GALNT13: variants seen among roughly 807,000 people sequenced by gnomAD.
The protein encoded by GALNT13 is polypeptide N-acetylgalactosaminyltransferase 13.
Under a neutral mutation model 64.2 loss-of-function variants are expected in GALNT13, and 28 were observed. The observed-to-expected ratio is 0.44, with a 90% CI of 0.32 to 0.60. The LOEUF is 0.60. Among genes scored for constraint, GALNT13 ranks in the 20% least tolerant of loss-of-function variants. The probability of loss-of-function intolerance (pLI) is 0.05; values close to 1 mark genes in which losing one functional copy is unlikely to be tolerated. For synonymous variants in GALNT13, 214 were observed against 224.6 expected (o/e 0.95, Z 0.42); for missense variants, 577 against 669.8 (o/e 0.86, Z 1.53).
At chr2:154,254,618 A>G (rs1690268935) in intron 7 of GALNT13, among the ~76,000 whole-genome samples, 1 of 144,086 alleles carries the variant, frequency 6.9e-6, no homozygotes, top group South Asian at 2.1e-4. Context: ...TAATTGAATT[A>G]GGCATAAAAA....
At position 154,453,166 on chromosome 2, in the gene GALNT13, CCCAGT is replaced by C. The variant is rs1260770432; in HGVS notation, c.*2618_*2622del. ...TGCTTATTATTTAGTTCCCTAATTT[CCCAGT>C]CCTTGTCTTGAACAATCTTTTCTCA... On this transcript the variant is annotated 3_prime_UTR_variant, in exon 13 of 13. Coordinates refer to ENST00000392825, the MANE Select transcript of GALNT13 (RefSeq NM_052917.4). 7 of 152,238 alleles carry C rather than the reference CCCAGT, an allele frequency of 4.6e-5. No individual in the cohort carries two copies. The highest frequency in any genetic ancestry group is 1.7e-4 in the African/African-American group (7 of 41,556). The allele number at this position is 152,238 out of a possible 1,614,324, so 9.4% of individuals were successfully genotyped here.
At chr2:154,113,357 C>T (rs573803781) in intron 3 of GALNT13, among the ~76,000 whole-genome samples, 33 of 152,296 alleles carry the variant, frequency 2.2e-4, no homozygotes, top group South Asian at 4.1e-4. Flanking sequence ...GAGCCTTCTC[C>T]GCCTGGATTC....
chr2:153,566,346 ACGTTTTT>A, the GALNT13 span, among the ~76,000 whole-genome samples: 1 of 51,578 alleles, frequency 1.9e-5, no homozygotes, highest in Admixed American at 2.6e-4. Flanking sequence ...TCTTCTAATC[ACGTTTTT>A]TTTTTTTTTT....
At chr2:153,476,668 C>G in the GALNT13 span, among the ~76,000 whole-genome samples, 1 of 152,176 alleles carries the variant, frequency 6.6e-6, no homozygotes, top group African/African-American at 2.4e-5. Flanking sequence ...CCTCTCAACC[C>G]TTTGCCTGGT....
At chr2:154,001,599 A>G (rs375215340) in intron 3 of GALNT13, among the ~76,000 whole-genome samples, 1 of 152,028 alleles carries the variant, frequency 6.6e-6, no homozygotes, top group Non-Finnish European at 1.5e-5. Flanking sequence ...TTGATGTTTC[A>G]ATTTACATAA....
At chr2:153,263,457 C>A in the GALNT13 span, among the ~76,000 whole-genome samples, 1 of 152,050 alleles carries the variant, frequency 6.6e-6, no homozygotes, top group Non-Finnish European at 1.5e-5. Context: ...TTTTAAAATG[C>A]ATATGAAACC....
At chr2:153,318,747 T>G in the GALNT13 span, among the ~76,000 whole-genome samples, 33 of 152,340 alleles carry the variant, frequency 2.2e-4, no homozygotes, top group Admixed American at 4.6e-4. Flanking sequence ...GTATCTGCAC[T>G]AATATTATCT....
At chr2:153,171,226 A>C in the GALNT13 span, among the ~76,000 whole-genome samples, 2 of 152,208 alleles carry the variant, frequency 1.3e-5, no homozygotes, top group Non-Finnish European at 2.9e-5. Flanking sequence ...AGAAGTGAGA[A>C]GCTGTAAATG....
the GALNT13 span, among the ~76,000 whole-genome samples, chr2:153,518,595 T>C: frequency 6.6e-6 from 1 of 152,300 alleles, no homozygotes; most frequent in East Asian, 1.9e-4. Flanking sequence ...GCTAAATTTA[T>C]AAAGTAAAGG....
At chr2:153,126,816 A>T in the GALNT13 span, among the ~76,000 whole-genome samples, 1 of 152,180 alleles carries the variant, frequency 6.6e-6, no homozygotes, top group East Asian at 1.9e-4. Flanking sequence ...GGCTAATCTC[A>T]TCTTCATTCA....
intron 8 of GALNT13, among the ~76,000 whole-genome samples, chr2:154,291,579 G>A (rs1692635682): frequency 6.6e-6 from 1 of 152,218 alleles, no homozygotes; most frequent in African/African-American, 2.4e-5. Flanking sequence ...GCAGGTGCTG[G>A]CCGGCCACGC....
At chr2:154,367,813 CATAG>C (rs774127517) in intron 9 of GALNT13, among the ~76,000 whole-genome samples, 8 of 152,092 alleles carry the variant, frequency 5.3e-5, no homozygotes, top group Non-Finnish European at 8.8e-5. Context: ...AAATGACAGG[CATAG>C]ATAAAGAATT....
intron 3 of GALNT13, among the ~76,000 whole-genome samples, chr2:153,953,792 C>A (rs1289864950): frequency 6.6e-6 from 1 of 152,130 alleles, no homozygotes; most frequent in Non-Finnish European, 1.5e-5. Flanking sequence ...CCTTCTCTGG[C>A]ATTTTAAGTT....
chr2:153,419,502 A>G, the GALNT13 span, among the ~76,000 whole-genome samples: 332 of 152,344 alleles, frequency 2.2e-3, 1 homozygote, highest in Non-Finnish European at 3.8e-3. Context: ...AATGATAGAG[A>G]CAAACAAGAG....
the GALNT13 span, among the ~76,000 whole-genome samples, chr2:153,189,553 A>G: frequency 6.6e-6 from 1 of 152,158 alleles, no homozygotes; most frequent in East Asian, 1.9e-4. Flanking sequence ...TAGTGTTATA[A>G]TAAACATAAG....
intron 11 of GALNT13, among the ~76,000 whole-genome samples, chr2:154,409,492 G>A (rs1449956128): frequency 6.6e-6 from 1 of 151,946 alleles, no homozygotes; most frequent in Non-Finnish European, 1.5e-5. Flanking sequence ...AAGAGCTTTT[G>A]AAGTTTAATA....
chr2:154,359,133 C>T (rs1307993577), intron 9 of GALNT13, among the ~76,000 whole-genome samples: 1 of 152,018 alleles, frequency 6.6e-6, no homozygotes, highest in African/African-American at 2.4e-5. Context: ...TTTTGACTTT[C>T]CTTCCCCTGC....
chr2:153,415,268 C>G, the GALNT13 span, among the ~76,000 whole-genome samples: 10 of 152,120 alleles, frequency 6.6e-5, no homozygotes, highest in East Asian at 1.9e-3. Context: ...GTAAAGGATG[C>G]CAATTGGTGG....
At chr2:154,150,162 C>T (rs1264438304) in intron 4 of GALNT13, among the ~76,000 whole-genome samples, 2 of 152,110 alleles carry the variant, frequency 1.3e-5, no homozygotes, top group Admixed American at 6.5e-5. Context: ...TGTCAAAGGC[C>T]TTTTCGGCAT....
Sources: gnomAD v4.1 joint callset for allele counts (sites outside exome capture counted in the v4.1 genomes callset) on GRCh38, gnomAD v4.1.1 for gene constraint, MANE v1.5 for transcripts, NCBI Gene and HGNC (gene_info 2026-07-23, HGNC 2026-07-21) for gene names.